GHR: variants seen among roughly 807,000 people sequenced by gnomAD.
GHR encodes GH receptor.
Under a neutral mutation model 67.1 loss-of-function variants are expected in GHR, and 35 were observed. The observed-to-expected ratio is 0.52, with a 90% CI of 0.40 to 0.69. GHR has a LOEUF of 0.69. Ranked by LOEUF, GHR falls within the 30% of genes least tolerant of loss-of-function variation. GHR has a pLI of 0.00. For synonymous variants in GHR, 272 were observed against 269.1 expected (o/e 1.01, Z -0.10); for missense variants, 792 against 764.6 (o/e 1.04, Z -0.42).
intron 3 of GHR, among the ~76,000 whole-genome samples, chr5:42,683,203 T>C (rs1330372257): frequency 2.0e-5 from 3 of 152,152 alleles, no homozygotes; most frequent in Non-Finnish European, 4.4e-5. Flanking sequence ...GATTTCACCA[T>C]GTTGGTCAGG....
At chr5:42,462,682 CA>C (rs983769523) in intron 1 of GHR, among the ~76,000 whole-genome samples, 1 of 150,192 alleles carries the variant, frequency 6.7e-6, no homozygotes, top group Non-Finnish European at 1.5e-5. Flanking sequence ...TATTTGAAAA[CA>C]AAATGTGTGT....
chr5:42,489,259 A>C (rs1490513243), intron 1 of GHR, among the ~76,000 whole-genome samples: 1 of 151,718 alleles, frequency 6.6e-6, no homozygotes, highest in African/African-American at 2.4e-5. Flanking sequence ...TACCTCTTAC[A>C]TATTTCTTTT....
intron 1 of GHR, among the ~76,000 whole-genome samples, chr5:42,446,913 T>C (rs1289571152): frequency 1.3e-5 from 2 of 152,218 alleles, no homozygotes; most frequent in Non-Finnish European, 2.9e-5. Flanking sequence ...ATATTTAAGC[T>C]ATGATTATTA....
intron 1 of GHR, chr5:42,465,639 C>T (rs1269478935): frequency 3.1e-6 from 3 of 955,478 alleles, no homozygotes; most frequent in Non-Finnish European, 5.2e-6. Flanking sequence ...TTGACAATTC[C>T]CCAGTTGTGA....
chr5:42,495,674 G>A (rs1156251881), intron 1 of GHR, among the ~76,000 whole-genome samples: 1 of 152,090 alleles, frequency 6.6e-6, no homozygotes, highest in Non-Finnish European at 1.5e-5. Context: ...ATAGAGAGCT[G>A]TTTGAAACTT....
At chr5:42,490,496 A>G (rs1157896335) in intron 1 of GHR, among the ~76,000 whole-genome samples, 4 of 152,234 alleles carry the variant, frequency 2.6e-5, no homozygotes, top group Non-Finnish European at 5.9e-5. Flanking sequence ...AAAGATCAGC[A>G]TGATATTAGG....
rs769318764 is a variant in GHR at position 42,467,982 on chromosome 5, T to A, written c.-12+44027T>A. 36 of 727,542 alleles carry A rather than the reference T, an allele frequency of 4.9e-5. 1 individual carries two copies. The Middle Eastern group carries it at 9.7e-4, about 20-fold the overall frequency. The allele number at this position is 727,542 out of a possible 1,614,324, so 45.1% of individuals were successfully genotyped here. On this transcript the variant is annotated intron_variant, in intron 1 of 9. Transcript: ENST00000230882. ...CTTTCCCTCCTTATTCTCTGCCTCT[T>A]TAACATGTTTTCTTTTTCACAAGCC...
At chr5:42,652,628 A>T (rs1196290092) in intron 3 of GHR, among the ~76,000 whole-genome samples, 1 of 152,166 alleles carries the variant, frequency 6.6e-6, no homozygotes, top group Non-Finnish European at 1.5e-5. Context: ...ACCACTTGAA[A>T]ATATTATCAA....
At chr5:42,570,271 T>C (rs1750215298) in intron 2 of GHR, among the ~76,000 whole-genome samples, 1 of 152,216 alleles carries the variant, frequency 6.6e-6, no homozygotes, top group Non-Finnish European at 1.5e-5. Flanking sequence ...GTCTTCACCA[T>C]AATCCAGAGG....
chr5:42,628,498 G>A (rs1753812736), intron 2 of GHR, among the ~76,000 whole-genome samples: 1 of 131,464 alleles, frequency 7.6e-6, no homozygotes, highest in Non-Finnish European at 1.6e-5. Context: ...ATCAGTACAT[G>A]GAAGGTATAC....
At chr5:42,469,587 C>T (rs1367974152) in intron 1 of GHR, among the ~76,000 whole-genome samples, 1 of 152,184 alleles carries the variant, frequency 6.6e-6, no homozygotes, top group Non-Finnish European at 1.5e-5. Context: ...GACCAGGATT[C>T]AGGCACCTTC....
chr5:42,623,068 CA>C (rs1432284190), intron 2 of GHR, among the ~76,000 whole-genome samples: 2 of 151,928 alleles, frequency 1.3e-5, no homozygotes, highest in African/African-American at 4.8e-5. Flanking sequence ...TAGTGACTAG[CA>C]ATAATAATAA....
chr5:42,612,242 G>A (rs1034549085), intron 2 of GHR, among the ~76,000 whole-genome samples: 39 of 152,164 alleles, frequency 2.6e-4, no homozygotes, highest in African/African-American at 8.2e-4. Flanking sequence ...TACTGTTCAT[G>A]TAATACAGAG....
intron 3 of GHR, among the ~76,000 whole-genome samples, chr5:42,671,089 G>C (rs1011531493): frequency 5.3e-5 from 8 of 152,020 alleles, no homozygotes; most frequent in Admixed American, 2.0e-4. Flanking sequence ...TGATAAACTA[G>C]TGTGTTAGGG....
At chr5:42,678,728 G>T (rs1756688868) in intron 3 of GHR, among the ~76,000 whole-genome samples, 3 of 151,892 alleles carry the variant, frequency 2.0e-5, no homozygotes, top group Admixed American at 2.0e-4. Context: ...CTTTCATCGA[G>T]GCAAGATTAG....
chr5:42,623,173 A>C (rs1179069913), intron 2 of GHR, among the ~76,000 whole-genome samples: 1 of 152,142 alleles, frequency 6.6e-6, no homozygotes, highest in African/African-American at 2.4e-5. Flanking sequence ...AACTGATTTA[A>C]ATCTTATATA....
intron 1 of GHR, among the ~76,000 whole-genome samples, chr5:42,545,535 A>G (rs1748699200): frequency 6.6e-6 from 1 of 152,220 alleles, no homozygotes; most frequent in Admixed American, 6.5e-5. Context: ...AAAAAATATC[A>G]AAATTAGCTC....
chr5:42,454,222 G>T (rs965892875), intron 1 of GHR, among the ~76,000 whole-genome samples: 2 of 152,242 alleles, frequency 1.3e-5, no homozygotes, highest in Non-Finnish European at 2.9e-5. Context: ...TGTAGACTCT[G>T]TGAGAATCCC....
chr5:42,612,593 T>C (rs1752943509), intron 2 of GHR, among the ~76,000 whole-genome samples: 2 of 152,122 alleles, frequency 1.3e-5, no homozygotes, highest in African/African-American at 4.8e-5. Context: ...GATACTGATT[T>C]TTACAGTTTG....
Sources: allele counts gnomAD v4.1 joint callset (sites outside exome capture counted in the v4.1 genomes callset), GRCh38; gene constraint gnomAD v4.1.1; transcripts MANE v1.5; gene names NCBI Gene and HGNC (gene_info 2026-07-23, HGNC 2026-07-21).